Variants in FGD4 observed in about 807,000 individuals in gnomAD.
FGD4 encodes the protein FYVE, RhoGEF and PH domain-containing protein 4.
In FGD4, 42 loss-of-function variants were observed where a neutral mutation model predicts 102.0. The ratio of observed to expected loss-of-function variants is 0.41; its 90% CI spans 0.32 to 0.53. The LOEUF is 0.53. Among genes scored for constraint, FGD4 ranks in the 20% least tolerant of loss-of-function variants. The probability of loss-of-function intolerance (pLI) is 0.21; values close to 1 mark genes in which losing one functional copy is unlikely to be tolerated. For missense variants in FGD4, 902 were observed against 1,078.2 expected (o/e 0.84, Z 2.29); for synonymous variants, 380 against 375.7 (o/e 1.01, Z -0.13).
At chr12:32,571,902 A>G (rs1216808893) in intron 2 of FGD4, among the ~76,000 whole-genome samples, 1 of 152,094 alleles carries the variant, frequency 6.6e-6, no homozygotes, top group Non-Finnish European at 1.5e-5. Flanking sequence ...CAAGAAATCT[A>G]TTTCAAAAGA....
rs1009967419 is a variant in FGD4, at chr12:32,563,993, A to G, written c.167-144A>G. On this transcript the variant is annotated intron_variant, in intron 1 of 16. Transcript: ENST00000534526. ...CTCGGCATCAGAGGGAGACCGTGGA[A>G]AGAGAGGGAGACCGTGGAAAGGGGA... is the stretch of plus-strand genomic sequence containing the variant. 8 of 774,162 alleles carry G rather than the reference A, an allele frequency of 1.0e-5. No individual in the cohort carries two copies. In the Admixed American group the frequency reaches 2.6e-4, roughly 26 times the overall value. The allele number at this position is 774,162 out of a possible 1,614,324, so 48.0% of individuals were successfully genotyped here.
intron 1 of FGD4, among the ~76,000 whole-genome samples, chr12:32,546,129 A>G (rs1474187134): frequency 6.6e-6 from 1 of 152,106 alleles, no homozygotes; most frequent in African/African-American, 2.4e-5. Context: ...TGGCCAGTAG[A>G]CTCTTTAGCA....
At chr12:32,586,696 CAAGG>C (rs1220351597) in intron 4 of FGD4, among the ~76,000 whole-genome samples, 1 of 152,074 alleles carries the variant, frequency 6.6e-6, no homozygotes, top group Non-Finnish European at 1.5e-5. Context: ...GGGTGAGAGA[CAAGG>C]AAGATTCTGA....
At chr12:32,512,168 C>T (rs1290013611) in intron 1 of FGD4, among the ~76,000 whole-genome samples, 3 of 151,768 alleles carry the variant, frequency 2.0e-5, no homozygotes, top group Non-Finnish European at 4.4e-5. Context: ...TGCTTGTGGC[C>T]GGGTGCAGTG....
At chr12:32,483,278 T>C (rs1346635490) in intron 1 of FGD4, among the ~76,000 whole-genome samples, 7 of 152,182 alleles carry the variant, frequency 4.6e-5, no homozygotes, top group Non-Finnish European at 4.4e-5. Context: ...TTTTGTAAAA[T>C]CTACAAGGCA....
intron 1 of FGD4, among the ~76,000 whole-genome samples, chr12:32,543,029 T>G (rs904810817): frequency 5.3e-5 from 8 of 152,182 alleles, no homozygotes; most frequent in Admixed American, 2.0e-4. Flanking sequence ...ATCCCCACTT[T>G]AGATGCCAGT....
intron 1 of FGD4, among the ~76,000 whole-genome samples, chr12:32,477,125 T>C (rs529797500): frequency 1.3e-5 from 2 of 152,214 alleles, no homozygotes; most frequent in Admixed American, 6.5e-5. Flanking sequence ...CTTTCTCTAC[T>C]AAAAGTACAA....
intron 2 of FGD4, among the ~76,000 whole-genome samples, chr12:32,565,872 A>T (rs2136297621): frequency 6.6e-6 from 1 of 152,350 alleles, no homozygotes; most frequent in South Asian, 2.1e-4. Context: ...TAAATAAATC[A>T]TGGAGTACTT....
rs537739906 is a variant in FGD4, at chr12:32,586,221, G to A, written c.1011+3754G>A. On this transcript the variant is annotated intron_variant, in intron 4 of 16. Coordinates refer to ENST00000534526, the MANE Select transcript of FGD4 (RefSeq NM_001370298.3). ...AAACATTAGAGACTTTTAAAAGTTT[G>A]GAAGTTTAAAAAGTTTAAAAATCTT... 3.3e-5 allele frequency among the ~76,000 whole-genome samples: 5 copies of A among 152,124 alleles called. No individual in the cohort carries two copies. In the East Asian group the frequency reaches 9.7e-4, roughly 29 times the overall value.
intron 4 of FGD4, among the ~76,000 whole-genome samples, chr12:32,590,733 A>G (rs1947406123): frequency 6.6e-6 from 1 of 152,228 alleles, no homozygotes; most frequent in Non-Finnish European, 1.5e-5. Flanking sequence ...TTAGGATTAC[A>G]AGAGATAACT....
chr12:32,493,474 G>A (rs1194294175), intron 1 of FGD4, among the ~76,000 whole-genome samples: 1 of 152,288 alleles, frequency 6.6e-6, no homozygotes, highest in African/African-American at 2.4e-5. Flanking sequence ...CAGCTCATCA[G>A]GACTAGAAAG....
chr12:32,537,605 T>G (rs1458809265), intron 1 of FGD4, among the ~76,000 whole-genome samples: 6 of 152,210 alleles, frequency 3.9e-5, no homozygotes, highest in Non-Finnish European at 7.3e-5. Flanking sequence ...CCCTTAACTT[T>G]CTGACCTCAG....
intron 4 of FGD4, among the ~76,000 whole-genome samples, chr12:32,585,650 C>T (rs899060154): frequency 2.0e-5 from 3 of 151,698 alleles, no homozygotes; most frequent in African/African-American, 4.8e-5. Flanking sequence ...ACCTGGGCAA[C>T]GGGCAAAACC....
intron 1 of FGD4, among the ~76,000 whole-genome samples, chr12:32,520,010 A>G (rs1360009804): frequency 6.6e-6 from 1 of 152,220 alleles, no homozygotes; most frequent in Non-Finnish European, 1.5e-5. Flanking sequence ...GTTTTGAAAA[A>G]TAATGTAATA....
chr12:32,546,564 C>CT (rs1943238563), intron 1 of FGD4, among the ~76,000 whole-genome samples: 1 of 152,254 alleles, frequency 6.6e-6, no homozygotes, highest in African/African-American at 2.4e-5. Flanking sequence ...ATGAGGTGTG[C>CT]TGTCTATGTG....
chr12:32,436,377 G>T (rs2136446485), intron 1 of FGD4, among the ~76,000 whole-genome samples: 2 of 152,310 alleles, frequency 1.3e-5, no homozygotes, highest in South Asian at 4.1e-4. Context: ...GAGACAAAAG[G>T]CTTTGGAAGG....
intron 10 of FGD4, among the ~76,000 whole-genome samples, chr12:32,617,954 T>G (rs1429607891): frequency 3.3e-5 from 5 of 152,208 alleles, no homozygotes; most frequent in Admixed American, 2.0e-4. Context: ...ATTTTAAGAT[T>G]CATATAGGAT....
At chr12:32,430,652 C>A (rs1210287723) in intron 1 of FGD4, among the ~76,000 whole-genome samples, 3 of 151,936 alleles carry the variant, frequency 2.0e-5, no homozygotes, top group African/African-American at 7.3e-5. Context: ...ATTAATATAT[C>A]AATATCATGA....
rs377281273 is a variant in FGD4 at position 32,620,524 on chromosome 12, T to C, written c.1922+654T>C. On this transcript the variant is annotated intron_variant, in intron 11 of 16. Transcript: ENST00000534526. ...CCATAACCATTTTTTTTCTTTCTTT[T>C]TTTTTTTTTTTTTTTTTTTGAGATG... Among the ~76,000 whole-genome samples, 69 of 42,488 alleles carry C rather than the reference T, an allele frequency of 1.6e-3. 2 individuals carry two copies. Among genetic ancestry groups the C allele is most frequent in the African/African-American group, 2.8e-3 (26 of 9,258 alleles). The allele number at this position is 42,488 out of a possible 152,430, so 27.9% of individuals were successfully genotyped here. A position where few individuals can be genotyped will look rare whatever the true frequency, so the allele number is the denominator to read the frequency against.
Sources: allele counts gnomAD v4.1 joint callset (sites outside exome capture counted in the v4.1 genomes callset), GRCh38; gene constraint gnomAD v4.1.1; transcripts MANE v1.5; gene names NCBI Gene and HGNC (gene_info 2026-07-23, HGNC 2026-07-21).